Variants in GPAM observed in about 807,000 individuals in gnomAD.
The protein encoded by GPAM is glycerol-3-phosphate acyltransferase, mitochondrial, also known as glycerol-3-phosphate acyltransferase 1, mitochondrial.
A neutral mutation model predicts 105.0 loss-of-function variants in GPAM; 56 were observed. The ratio of observed to expected loss-of-function variants is 0.53; its 90% CI spans 0.43 to 0.67. The LOEUF is 0.67. GPAM is among the 30% of genes least tolerant of loss of function. The probability of loss-of-function intolerance (pLI) is 0.00; values close to 1 mark genes in which losing one functional copy is unlikely to be tolerated. For missense variants in GPAM, 855 were observed against 989.8 expected (o/e 0.86, Z 1.83); for synonymous variants, 368 against 354.4 (o/e 1.04, Z -0.43).
chr10:112,202,042 A>G (rs1847803746), intron 1 of GPAM, among the ~76,000 whole-genome samples: 1 of 152,200 alleles, frequency 6.6e-6, no homozygotes, highest in Non-Finnish European at 1.5e-5. Flanking sequence ...AACTTTCCCA[A>G]TGTCACAGCT....
chr10:112,191,269 G>A (rs1175249476), intron 1 of GPAM, among the ~76,000 whole-genome samples: 4 of 152,228 alleles, frequency 2.6e-5, no homozygotes, highest in Non-Finnish European at 4.4e-5. Flanking sequence ...AAATACACTG[G>A]AGCCAGGCAG....
rs763415219 is a variant in GPAM at position 112,150,382 on chromosome 10, T to C, written c.*3168A>G. ...ACGTTCAGTGAAAAAGCCAGGATCA[T>C]TGGGGCTGTTCTCTCTATCAAAGGA... On this transcript the variant is annotated 3_prime_UTR_variant, in exon 22 of 22. Transcript: ENST00000348367. 7.1e-6 allele frequency: 7 copies of C among 985,648 alleles called. No individual in the cohort carries two copies. The highest frequency in any genetic ancestry group is 6.1e-5 in the Admixed American group (1 of 16,268). 61.1% of individuals were successfully genotyped at this position (985,648 alleles called of 1,614,324 possible). A position where few individuals can be genotyped will look rare whatever the true frequency, so the allele number is the denominator to read the frequency against.
the GPAM span, among the ~76,000 whole-genome samples, chr10:112,226,149 T>C: frequency 2.6e-5 from 4 of 152,290 alleles, no homozygotes; most frequent in East Asian, 7.7e-4. Flanking sequence ...GTTTAGCACA[T>C]AAAAGTCATC....
At chr10:112,201,953 A>T (rs1481902036) in intron 1 of GPAM, among the ~76,000 whole-genome samples, 1 of 152,244 alleles carries the variant, frequency 6.6e-6, no homozygotes, top group East Asian at 1.9e-4. Flanking sequence ...AGGTTTTTCA[A>T]TTAACTTGCA....
In GPAM at chr10:112,150,296, A is replaced by T; in HGVS notation, c.*3254T>A. On this transcript the variant is annotated 3_prime_UTR_variant, in exon 22 of 22. Transcript: ENST00000348367. ...ATAAAAATCTGCATTCAAACGTACA[A>T]TACTTTCTTCTAGATCTGAATTAAA... The T allele has an allele frequency of 1.0e-6, 1 of 985,264 alleles. No individual in the cohort carries two copies. The highest frequency in any genetic ancestry group is 1.2e-6 in the Non-Finnish European group (1 of 829,464). 61.0% of individuals were successfully genotyped at this position (985,264 alleles called of 1,614,324 possible).
At chr10:112,160,341 CAGTT>C (rs1847099950) in intron 16 of GPAM, 1 of 959,702 alleles carries the variant, frequency 1.0e-6, no homozygotes, top group Non-Finnish European at 1.2e-6. Context: ...TGTCTCATCT[CAGTT>C]AGATTTTCAG....
At chr10:112,191,241 T>A (rs894659874) in intron 1 of GPAM, among the ~76,000 whole-genome samples, 1 of 152,168 alleles carries the variant, frequency 6.6e-6, no homozygotes, top group East Asian at 1.9e-4. Flanking sequence ...AGAGCAGCAG[T>A]CTCTCAAGAT....
At position 112,168,955 on chromosome 10, in the gene GPAM, A is replaced by G. The variant is rs72836644; in HGVS notation, c.795-3T>C. On this transcript the variant is annotated splice_region_variant and splice_polypyrimidine_tract_variant and intron_variant, in intron 9 of 21. Transcript: ENST00000348367. Reference sequence around the variant, plus strand: ...CCCCAAGCTTATGGATCAAGGTACTATAAATTCAGAATACATGAATTATTT... The same window carrying G: ...CCCCAAGCTTATGGATCAAGGTACTGTAAATTCAGAATACATGAATTATTT... The G allele has an allele frequency of 6.3e-4, 960 of 1,535,054 alleles. 2 individuals carry two copies. Among genetic ancestry groups the G allele is most frequent in the Non-Finnish European group, 6.4e-4 (712 of 1,107,976 alleles).
At chr10:112,181,617 C>T (rs750526406) in intron 3 of GPAM, 66 bp downstream of exon 3, 7 of 881,164 alleles carry the variant, frequency 7.9e-6, no homozygotes, top group Non-Finnish European at 1.2e-5. Flanking sequence ...GTATTTGCAC[C>T]TTCATAAACA....
intron 1 of GPAM, among the ~76,000 whole-genome samples, chr10:112,198,492 A>C (rs1293597771): frequency 6.6e-6 from 1 of 152,218 alleles, no homozygotes; most frequent in Non-Finnish European, 1.5e-5. Flanking sequence ...CCCAGAAAAA[A>C]AGTACATGTA....
chr10:112,217,738 T>C (rs905822585), upstream of GPAM, among the ~76,000 whole-genome samples: 1 of 152,170 alleles, frequency 6.6e-6, no homozygotes, highest in African/African-American at 2.4e-5. Context: ...TTATTGCCCT[T>C]TCAAAGATGA....
At chr10:112,171,006 G>A in intron 9 of GPAM, among the ~76,000 whole-genome samples, 1 of 152,130 alleles carries the variant, frequency 6.6e-6, no homozygotes, top group East Asian at 1.9e-4. Context: ...GGTGACGAAG[G>A]CCATCTTGTG....
the GPAM span, among the ~76,000 whole-genome samples, chr10:112,227,551 G>A: frequency 4.6e-5 from 7 of 152,286 alleles, no homozygotes; most frequent in East Asian, 1.9e-4. Context: ...CCAAGAAGAC[G>A]GCCCCTTGAG....
At position 112,163,692 on chromosome 10, in the gene GPAM, T is replaced by G. The variant is rs1451376836; in HGVS notation, c.1423+9A>C. The G allele has an allele frequency of 8.4e-7, 1 of 1,189,350 alleles. No homozygotes were observed. Among genetic ancestry groups the G allele is most frequent in the Admixed American group, 1.7e-5 (1 of 59,476 alleles). The allele number at this position is 1,189,350 out of a possible 1,614,324, so 73.7% of individuals were successfully genotyped here. ...ATTGTAGAATTAAAGAGTCTGGTAT[T>G]CTACTTACTGAATAGAATATGCTCA... On this transcript the variant is annotated intron_variant, in intron 14 of 21. Coordinates refer to ENST00000348367, the MANE Select transcript of GPAM (RefSeq NM_001244949.2).
At chr10:112,196,781 C>T (rs139851966) in intron 1 of GPAM, among the ~76,000 whole-genome samples, 3 of 152,262 alleles carry the variant, frequency 2.0e-5, no homozygotes, top group Non-Finnish European at 4.4e-5. Flanking sequence ...TCTTCTAGCC[C>T]CATTTTGTTT....
In GPAM at chr10:112,164,625, A is replaced by G; in HGVS notation, c.1222-15T>C. On this transcript the variant is annotated splice_polypyrimidine_tract_variant and intron_variant, in intron 12 of 21. Transcript: ENST00000348367. ...TCTAAATATTCCTGGAGAAAAAAAC[A>G]CAACATGATCATTTACCCTCACTTT... The G allele has an allele frequency of 7.1e-7, 1 of 1,402,328 alleles. No homozygotes were observed. Among genetic ancestry groups the G allele is most frequent in the South Asian group, 1.2e-5 (1 of 86,828 alleles). 86.9% of individuals were successfully genotyped at this position (1,402,328 alleles called of 1,614,324 possible).
chr10:112,213,274 G>T (rs928126202), intron 1 of GPAM, among the ~76,000 whole-genome samples: 1 of 152,182 alleles, frequency 6.6e-6, no homozygotes, highest in African/African-American at 2.4e-5. Context: ...TCTGAAGTCT[G>T]CCATTTACTG....
intron 1 of GPAM, among the ~76,000 whole-genome samples, chr10:112,208,179 G>C (rs926127910): frequency 1.6e-4 from 25 of 152,242 alleles, no homozygotes; most frequent in South Asian, 8.3e-4. Flanking sequence ...CGTGGATAGA[G>C]AACCCCCAAG....
chr10:112,201,009 C>T (rs1847791050), intron 1 of GPAM, among the ~76,000 whole-genome samples: 1 of 152,146 alleles, frequency 6.6e-6, no homozygotes, highest in African/African-American at 2.4e-5. Flanking sequence ...ATCTGGTGGT[C>T]TTATGTTGCT....
Sources: allele counts gnomAD v4.1 joint callset (sites outside exome capture counted in the v4.1 genomes callset), GRCh38; gene constraint gnomAD v4.1.1; transcripts MANE v1.5; gene names NCBI Gene and HGNC (gene_info 2026-07-23, HGNC 2026-07-21).